ACSL6: variants seen among roughly 807,000 people sequenced by gnomAD.
The protein encoded by ACSL6 is acyl-CoA synthetase long chain family member 6, also known as long-chain-fatty-acid--CoA ligase 6.
Under a neutral mutation model 98.2 loss-of-function variants are expected in ACSL6, and 47 were observed. That is an observed-to-expected ratio of 0.48 (90% CI 0.38 to 0.61). ACSL6 has a LOEUF of 0.61. Among genes scored for constraint, ACSL6 ranks in the 20% least tolerant of loss-of-function variants. The probability of loss-of-function intolerance (pLI) is 0.00; values close to 1 mark genes in which losing one functional copy is unlikely to be tolerated. For synonymous variants in ACSL6, 362 were observed against 336.9 expected, an observed-to-expected ratio of 1.07 and a Z score of -0.82; for missense variants, 761 against 913.4, an observed-to-expected ratio of 0.83 and a Z score of 2.15.
intron 6 of ACSL6, 58 bp downstream of exon 6, chr5:131,988,747 G>A (rs1005045249): frequency 7.6e-6 from 12 of 1,578,414 alleles, no homozygotes; most frequent in Non-Finnish European, 1.0e-5. Flanking sequence ...CTGAGAAGCT[G>A]GAGGCTGGAG....
At chr5:131,992,698 C>A (rs750642175) in intron 2 of ACSL6, among the ~76,000 whole-genome samples, 4 of 152,216 alleles carry the variant, frequency 2.6e-5, no homozygotes, top group Non-Finnish European at 2.9e-5. Flanking sequence ...TCACACCCAC[C>A]TTTCTACGGC....
intron 12 of ACSL6, 49 bp downstream of exon 12, chr5:131,973,217 G>A (rs754989671): frequency 6.3e-7 from 1 of 1,593,644 alleles, no homozygotes; most frequent in Non-Finnish European, 8.6e-7. Context: ...GTCCAAACAA[G>A]CAAATATGCA....
chr5:132,011,462 G>A lies in ACSL6; in HGVS notation c.49+43C>T. 1 of 1,594,476 alleles carries A rather than the reference G, an allele frequency of 6.3e-7. No individual in the cohort carries two copies. The highest frequency in any genetic ancestry group is 8.6e-7 in the Non-Finnish European group (1 of 1,164,042). Reference sequence around the variant, plus strand: ...ACCTCGGGCGAAGACCTCATAGCCTGCGGGAGATGGGAGTCCGGGACGCGG... The same window carrying A: ...ACCTCGGGCGAAGACCTCATAGCCTACGGGAGATGGGAGTCCGGGACGCGG... On this transcript the variant is annotated intron_variant, in intron 1 of 20. Coordinates refer to ENST00000651883, the MANE Select transcript of ACSL6 (RefSeq NM_001009185.3). The surrounding 1 kb of genome is among the most constrained non-coding windows in gnomAD (Gnocchi z 5.4).
At chr5:132,003,692 T>A (rs1755217059) in intron 1 of ACSL6, 1 of 152,262 alleles carries the variant, frequency 6.6e-6, no homozygotes, top group African/African-American at 2.4e-5. Context: ...TTGGGCGTTG[T>A]TCACACTGAC....
chr5:131,960,535 A>C lies in ACSL6; in HGVS notation c.1944T>G (p.Asp648Glu). ...QKRGIEGTYA[D>E]LCTNKDLKKA... is the part of the protein sequence containing the mutation. ...AGATACCAACCTTATTTGTGCAGAG[A>C]TCTGCATATGTTCCTTCAATTCCTC... is the stretch of plus-strand genomic sequence containing the variant. The change falls in exon 19 of 21, where the codon GAT (aspartate) becomes GAG (glutamate). Residue 648 changes from aspartate (D) to glutamate (E), a missense_variant. Physicochemically the swap from Asp to Glu is conservative, Grantham distance 45. Transcript: ENST00000651883. 1 of 1,613,918 alleles carries C rather than the reference A, an allele frequency of 6.2e-7. No individual in the cohort carries two copies. The highest frequency in any genetic ancestry group is 8.5e-7 in the Non-Finnish European group (1 of 1,179,882).
At chr5:131,976,545 A>G (rs11743803) in intron 10 of ACSL6, 103 bp downstream of exon 10, 255,936 of 629,816 alleles carry the variant, frequency 0.41, 22,172 homozygotes, top group Non-Finnish European at 0.45. Context: ...TTATATCAAG[A>G]AAAAAAAAAA....
intron 7 of ACSL6, 74 bp from the exon 8 acceptor site, chr5:131,986,928 C>G: frequency 6.6e-7 from 1 of 1,524,366 alleles, no homozygotes; most frequent in Non-Finnish European, 9.0e-7. Context: ...CTGTCTCTGT[C>G]TCTTTCTCTC....
intron 20 of ACSL6, among the ~76,000 whole-genome samples, chr5:131,955,493 A>G (rs1561770902): frequency 6.6e-6 from 1 of 152,204 alleles, no homozygotes; most frequent in Non-Finnish European, 1.5e-5. Flanking sequence ...TTTTTAAACC[A>G]TAGTGCACTG....
At chr5:132,007,605 A>G (rs1755485388) in intron 1 of ACSL6, among the ~76,000 whole-genome samples, 1 of 152,170 alleles carries the variant, frequency 6.6e-6, no homozygotes, top group African/African-American at 2.4e-5. Flanking sequence ...AATGGGGAGA[A>G]CACAACACAG....
chr5:131,954,334 A>G lies in ACSL6; in HGVS notation c.2069T>C (p.Val690Ala). Residue 690 changes from valine (V) to alanine (A), a missense_variant, in exon 21 of 21, where the codon GTT (valine) becomes GCT (alanine). By Grantham distance (64) the Val-to-Ala change is moderately conservative. Coordinates refer to ENST00000651883, the MANE Select transcript of ACSL6 (RefSeq NM_001009185.3). ...AIHIHSDMFSVQNGLLTPTLK... is the reference protein window; with the variant it reads ...AIHIHSDMFSAQNGLLTPTLK... ...TGTTGGTGTCAGCAAGCCATTTTGA[A>G]CTGAGAACATGTCAGAATGGATGTG... 6.2e-7 allele frequency: 1 copy of G among 1,613,992 alleles called. No individual in the cohort carries two copies. The highest frequency in any genetic ancestry group is 8.5e-7 in the Non-Finnish European group (1 of 1,179,958).
chr5:131,969,698 G>C (rs976854418), intron 15 of ACSL6, among the ~76,000 whole-genome samples: 12 of 152,106 alleles, frequency 7.9e-5, no homozygotes, highest in Non-Finnish European at 1.6e-4. Flanking sequence ...TAGGGGCCAG[G>C]GTACTGTTTC....
chr5:131,974,770 C>T, intron 11 of ACSL6, 123 bp downstream of exon 11: 1 of 1,610,092 alleles, frequency 6.2e-7, no homozygotes, highest in Admixed American at 1.7e-5. Context: ...GCACCATTCG[C>T]TCAAACATGT....
chr5:131,979,105 C>T (rs1400165327), intron 9 of ACSL6, among the ~76,000 whole-genome samples: 2 of 152,192 alleles, frequency 1.3e-5, no homozygotes, highest in Non-Finnish European at 2.9e-5. Flanking sequence ...CTTCTTTCTT[C>T]CTAACATCCT....
rs749438962 is a variant in ACSL6, at chr5:131,986,816, G to A, written c.864+6C>T. 2.8e-5 allele frequency: 46 copies of A among 1,614,048 alleles called. 1 individual carries two copies. The highest frequency in any genetic ancestry group is 1.8e-4 in the South Asian group (16 of 91,082). ...TCAATAAAGACCTGCAGGTGAATTCGCTTACCACAGGAGCCTGGTGATTCT... is the reference window on the plus strand; with the variant it reads ...TCAATAAAGACCTGCAGGTGAATTCACTTACCACAGGAGCCTGGTGATTCT... On this transcript the variant is annotated splice_donor_region_variant and intron_variant, in intron 8 of 20. Coordinates refer to ENST00000651883, the MANE Select transcript of ACSL6 (RefSeq NM_001009185.3).
rs191583140 is a variant in ACSL6, at chr5:131,987,932, T to C, written c.831+116A>G. The C allele has an allele frequency of 1.7e-3, 2,290 of 1,360,996 alleles. 4 individuals are homozygous for C. Among genetic ancestry groups the C allele is most frequent in the Non-Finnish European group, 1.9e-3 (1,826 of 983,484 alleles). 84.3% of individuals were successfully genotyped at this position (1,360,996 alleles called of 1,614,324 possible). ...AGCCTGCCCTGTCTGGACACTGATA[T>C]ACCCTGCGGGCCCAAAACAGCCACC... On this transcript the variant is annotated intron_variant, in intron 7 of 20. Coordinates refer to ENST00000651883, the MANE Select transcript of ACSL6 (RefSeq NM_001009185.3).
intron 1 of ACSL6, among the ~76,000 whole-genome samples, chr5:131,995,957 C>A (rs980811851): frequency 2.6e-5 from 4 of 152,216 alleles, no homozygotes; most frequent in African/African-American, 9.6e-5. Flanking sequence ...GCCCAGGACA[C>A]ATGAAAAGGG....
Position 131,960,575 on chromosome 5 carries a change from G to A in ACSL6, c.1904C>T (p.Ser635Phe). ...IVVPDPEVMP[S>F]WAQKRGIEGT... The stretch of plus-strand genomic sequence containing the variant: ...TTCAATTCCTCTCTTCTGGGCCCAG[G>A]AGGGCATAACTTCAGGGTCAGGCAC... The change falls in exon 19 of 21, where the codon TCC becomes TTC. Residue 635 changes from serine to phenylalanine, a missense_variant. Coordinates refer to ENST00000651883, the MANE Select transcript of ACSL6 (RefSeq NM_001009185.3). The A allele has an allele frequency of 6.2e-7, 1 of 1,614,090 alleles. No homozygotes were observed. Among genetic ancestry groups the A allele is most frequent in the Non-Finnish European group, 8.5e-7 (1 of 1,180,020 alleles).
chr5:131,987,283 T>C (rs253949), intron 7 of ACSL6, among the ~76,000 whole-genome samples: 120,453 of 152,178 alleles, frequency 0.79, 48,115 homozygotes, highest in Non-Finnish European at 0.84. Context: ...GCATGTTGGG[T>C]TTAAAGTGCT....
intron 1 of ACSL6, among the ~76,000 whole-genome samples, chr5:132,001,537 A>G (rs775400142): frequency 4.6e-5 from 7 of 152,160 alleles, no homozygotes; most frequent in Admixed American, 1.3e-4. Flanking sequence ...TACATCCCCC[A>G]TGAGATAGAG....
Sources: allele counts gnomAD v4.1 joint callset (sites outside exome capture counted in the v4.1 genomes callset), GRCh38; gene constraint gnomAD v4.1.1; non-coding constraint Gnocchi (gnomAD v3.1); transcripts MANE v1.5; gene names NCBI Gene and HGNC (gene_info 2026-07-23, HGNC 2026-07-21).